Variants in TIAM1 observed in about 807,000 individuals in gnomAD.
TIAM1 encodes rho guanine nucleotide exchange factor TIAM1.
In TIAM1, 65 loss-of-function variants were observed where a neutral mutation model predicts 163.5. That is an observed-to-expected ratio of 0.40 (90% CI 0.33 to 0.49). TIAM1 has a LOEUF of 0.49. Among genes scored for constraint, TIAM1 ranks in the 20% least tolerant of loss-of-function variants. The probability of loss-of-function intolerance (pLI) is 0.77; values close to 1 mark genes in which losing one functional copy is unlikely to be tolerated. For missense variants in TIAM1, 1,789 were observed against 2,044.7 expected (o/e 0.87, Z 2.41); for synonymous variants, 833 against 810.1 (o/e 1.03, Z -0.48).
chr21:31,332,814 T>C (rs2075719824), intron 2 of TIAM1, among the ~76,000 whole-genome samples: 1 of 151,266 alleles, frequency 6.6e-6, no homozygotes, highest in East Asian at 1.9e-4. Flanking sequence ...AAAAGTCTGT[T>C]GGTTAGAGCT....
intron 1 of TIAM1, among the ~76,000 whole-genome samples, chr21:31,556,507 A>C (rs1311424864): frequency 6.6e-6 from 1 of 151,582 alleles, no homozygotes; most frequent in African/African-American, 2.4e-5. Context: ...AATTTATTCC[A>C]ACAGGCAAAA....
At chr21:31,428,378 G>A (rs1248514677) in intron 2 of TIAM1, among the ~76,000 whole-genome samples, 1 of 152,018 alleles carries the variant, frequency 6.6e-6, no homozygotes, top group Admixed American at 6.5e-5. Context: ...TTACCTTCTG[G>A]TTTTATTGTT....
intron 2 of TIAM1, among the ~76,000 whole-genome samples, chr21:31,437,622 G>A (rs2044257305): frequency 1.3e-5 from 2 of 152,110 alleles, no homozygotes; most frequent in Admixed American, 1.3e-4. Context: ...GAGGTGACTG[G>A]ATCACGAGGG....
chr21:31,199,866 T>C (rs2086101682), intron 12 of TIAM1, among the ~76,000 whole-genome samples: 1 of 149,988 alleles, frequency 6.7e-6, no homozygotes, highest in Non-Finnish European at 1.5e-5. Flanking sequence ...CCTCTATGAT[T>C]CCACTCCCTC....
intron 3 of TIAM1, among the ~76,000 whole-genome samples, chr21:31,275,267 T>C (rs2073248036): frequency 6.6e-6 from 1 of 152,354 alleles, no homozygotes; most frequent in Admixed American, 6.5e-5. Context: ...ATACCTTTTT[T>C]TGGTATTTTC....
At chr21:31,277,139 C>T (rs1020835605) in intron 2 of TIAM1, among the ~76,000 whole-genome samples, 11 of 152,190 alleles carry the variant, frequency 7.2e-5, no homozygotes, top group Admixed American at 6.5e-4. Flanking sequence ...GGCATTCTAA[C>T]TCACGGGATG....
At chr21:31,422,454 AC>A (rs1190146815) in intron 2 of TIAM1, among the ~76,000 whole-genome samples, 1 of 152,114 alleles carries the variant, frequency 6.6e-6, no homozygotes, top group Admixed American at 6.6e-5. Flanking sequence ...CCAAGCCCCC[AC>A]CCAAGATCCT....
intron 1 of TIAM1, among the ~76,000 whole-genome samples, chr21:31,529,022 C>T (rs1425430495): frequency 1.3e-5 from 2 of 149,726 alleles, no homozygotes; most frequent in African/African-American, 2.5e-5. Flanking sequence ...CCCGGGTTCA[C>T]GCCATTCTCC....
chr21:31,413,398 T>C (rs1471762682), intron 2 of TIAM1, among the ~76,000 whole-genome samples: 1 of 151,244 alleles, frequency 6.6e-6, no homozygotes, highest in African/African-American at 2.4e-5. Flanking sequence ...GCCTCCCAAG[T>C]AGCTGGGACT....
At chr21:31,459,923 T>A (rs1459336229) in intron 2 of TIAM1, among the ~76,000 whole-genome samples, 1 of 152,220 alleles carries the variant, frequency 6.6e-6, no homozygotes, top group African/African-American at 2.4e-5. Context: ...ACTCTCAGCC[T>A]GAGGTTCCAT....
At chr21:31,124,867 A>G (rs1292662302) in intron 26 of TIAM1, among the ~76,000 whole-genome samples, 173 bp from the exon 27 acceptor site, 84 of 152,242 alleles carry the variant, frequency 5.5e-4, no homozygotes, top group Admixed American at 5.4e-3. Context: ...TAAAGAGCAC[A>G]TAACTCCTTT....
intron 12 of TIAM1, among the ~76,000 whole-genome samples, chr21:31,200,205 T>G (rs572289570): frequency 6.6e-6 from 1 of 152,074 alleles, no homozygotes; most frequent in South Asian, 2.1e-4. Flanking sequence ...GGTGTGGTGG[T>G]GGGCAACTCT....
chr21:31,208,415 C>T (rs1299103042), intron 11 of TIAM1, among the ~76,000 whole-genome samples: 1 of 152,204 alleles, frequency 6.6e-6, no homozygotes, highest in Non-Finnish European at 1.5e-5. Context: ...AATAACTCTT[C>T]AGCTCTGCAG....
At chr21:31,529,928 A>G (rs1039394103) in intron 1 of TIAM1, among the ~76,000 whole-genome samples, 1 of 152,160 alleles carries the variant, frequency 6.6e-6, no homozygotes, top group East Asian at 1.9e-4. Flanking sequence ...TGGACATTAC[A>G]GCATTCTCTT....
intron 2 of TIAM1, among the ~76,000 whole-genome samples, chr21:31,305,277 G>T (rs995323164): frequency 1.3e-5 from 2 of 152,056 alleles, no homozygotes; most frequent in Non-Finnish European, 2.9e-5. Context: ...TGGTAAATGA[G>T]AATAAACCAT....
chr21:31,242,887 G>T, intron 6 of TIAM1, among the ~76,000 whole-genome samples: 1 of 139,914 alleles, frequency 7.1e-6, no homozygotes, highest in East Asian at 2.1e-4. Flanking sequence ...AAAGAAAAAA[G>T]AAAAGAAAAG....
intron 15 of TIAM1, among the ~76,000 whole-genome samples, chr21:31,177,811 C>T (rs1170736164): frequency 6.6e-6 from 1 of 152,150 alleles, no homozygotes; most frequent in Non-Finnish European, 1.5e-5. Flanking sequence ...CAAGTCTGAC[C>T]ACTTGAGTTT....
intron 15 of TIAM1, among the ~76,000 whole-genome samples, chr21:31,171,032 T>A (rs539736453): frequency 1.2e-5 from 1 of 81,016 alleles, no homozygotes; most frequent in East Asian, 3.9e-4. Flanking sequence ...TGAGACTCCA[T>A]CTCAAAAAAA....
chr21:31,159,279 C>T (rs1386405692), intron 16 of TIAM1, among the ~76,000 whole-genome samples: 1 of 152,000 alleles, frequency 6.6e-6, no homozygotes, highest in Non-Finnish European at 1.5e-5. Flanking sequence ...TTTACTGAGA[C>T]CAGCGTGATG....
Sources: allele counts gnomAD v4.1 joint callset (sites outside exome capture counted in the v4.1 genomes callset), GRCh38; gene constraint gnomAD v4.1.1; transcripts MANE v1.5; gene names NCBI Gene and HGNC (gene_info 2026-07-23, HGNC 2026-07-21).